The following PFKL variants were observed in gnomAD, a reference collection of about 807,000 sequenced individuals.
PFKL encodes ATP-dependent 6-phosphofructokinase, liver type.
PFKL carries 74 observed loss-of-function variants against 92.1 expected under a neutral mutation model. The ratio of observed to expected loss-of-function variants is 0.80; its 90% CI spans 0.67 to 0.97. The LOEUF (loss-of-function observed/expected upper bound fraction) is 0.97. PFKL is among the 50% of genes least tolerant of loss of function. The pLI is 0.00. For synonymous variants in PFKL, 494 were observed against 456.4 expected (o/e 1.08, Z -1.05); for missense variants, 1,028 against 1,116.6 (o/e 0.92, Z 1.13).
At position 44,323,778 on chromosome 21, in the gene PFKL, G is replaced by T. The variant is rs763571336; in HGVS notation, c.1510G>T (p.Val504Leu). 6.2e-7 allele frequency: 1 copy of T among 1,612,482 alleles called. No homozygotes were observed. The highest frequency in any genetic ancestry group is 1.1e-5 in the South Asian group (1 of 90,908). Reference protein sequence around the residue: ...VVGGFEAYEGVLQLVEARGRY... With the variant: ...VVGGFEAYEGLLQLVEARGRY... ...CCTACTGCTGCAGGCCTATGAAGGG[G>T]TGCTGCAGCTGGTGGAGGCTCGCGG... Residue 504 changes from valine (V) to leucine (L), a missense_variant, in exon 16 of 22, where the codon GTG becomes TTG. Transcript: ENST00000349048.
chr21:44,303,441 A>AAGACTTGATCG lies in PFKL; in HGVS notation c.86-3239_86-3238insGACTTGATCGA, dbSNP rs2040833265. On this transcript the variant is annotated intron_variant, in intron 1 of 21. Transcript: ENST00000349048. Reference sequence around the variant, plus strand: ...AAAAAAACAGACTTGACCAAAAAAAAAAAAAAAAAAAAAATGGCCCGGCCT... The same window carrying AAGACTTGATCG: ...AAAAAAACAGACTTGACCAAAAAAAAAGACTTGATCGAAAAAAAAAAAAAATGGCCCGGCCT... Among the ~76,000 whole-genome samples, 107 of 97,108 alleles carry AAGACTTGATCG rather than the reference A, an allele frequency of 1.1e-3. 10 individuals are homozygous for AAGACTTGATCG. Among genetic ancestry groups the AAGACTTGATCG allele is most frequent in the African/African-American group, 3.7e-3 (71 of 18,966 alleles). The allele number at this position is 97,108 out of a possible 152,430, so 63.7% of individuals were successfully genotyped here.
intron 7 of PFKL, 52 bp from the exon 8 acceptor site, chr21:44,316,192 C>CG: frequency 6.4e-7 from 1 of 1,562,600 alleles, no homozygotes; most frequent in Non-Finnish European, 8.8e-7. Flanking sequence ...GGGCTGTGTC[C>CG]GGGGCAGGTT....
At position 44,322,970 on chromosome 21, in the gene PFKL, C is replaced by G; in HGVS notation, c.1418C>G (p.Pro473Arg). The G allele has an allele frequency of 6.2e-7, 1 of 1,611,358 alleles. No individual in the cohort carries two copies. The highest frequency in any genetic ancestry group is 8.5e-7 in the Non-Finnish European group (1 of 1,178,520). The change falls in exon 15 of 22, where the codon CCC becomes CGC. Residue 473 changes from proline to arginine, a missense_variant. Coordinates refer to ENST00000349048, the MANE Select transcript of PFKL (RefSeq NM_002626.6). ...TGTGTCTTTGACTGCAGGACCCTGC[C>G]CAAGGGCCAGCTGGAGTCCATTGTG... The part of the protein sequence containing the change: ...GSMLGTKRTL[P>R]KGQLESIVEN...
chr21:44,322,088 C>A, intron 13 of PFKL, 45 bp from the exon 14 acceptor site: 1 of 1,571,460 alleles, frequency 6.4e-7, no homozygotes, highest in Non-Finnish European at 8.7e-7. Flanking sequence ...GGGGAATTGG[C>A]CAGAGGCTCA....
At chr21:44,320,235 T>G in intron 12 of PFKL, 88 bp downstream of exon 12, 1 of 1,142,330 alleles carries the variant, frequency 8.8e-7, no homozygotes, top group Non-Finnish European at 1.3e-6. Context: ...TGGGCCTGCC[T>G]GCCCCCACCT....
rs868177156 is a variant in PFKL, at chr21:44,314,186, G to A, written c.747+165G>A. The A allele has an allele frequency of 4.9e-6, 3 of 610,054 alleles. No individual in the cohort carries two copies. In the Middle Eastern group the frequency reaches 8.6e-4, roughly 175 times the overall value. 37.8% of individuals were successfully genotyped at this position (610,054 alleles called of 1,614,324 possible). A position where few individuals can be genotyped will look rare whatever the true frequency, so the allele number is the denominator to read the frequency against. On this transcript the variant is annotated intron_variant, in intron 7 of 21. Coordinates refer to ENST00000349048, the MANE Select transcript of PFKL (RefSeq NM_002626.6). ...GACACGCAAGGAGTGGGGGGCTACG[G>A]GGCTGACCTCAGTGAGGCACCTGTG... is the stretch of plus-strand genomic sequence containing the variant.
At chr21:44,319,911 C>T in intron 11 of PFKL, 173 bp from the exon 12 acceptor site, 2 of 618,684 alleles carry the variant, frequency 3.2e-6, no homozygotes, top group Non-Finnish European at 5.8e-6. Flanking sequence ...GGGGGTCTCG[C>T]ACCTTCTGTG....
At position 44,327,078 on chromosome 21, in the gene PFKL, G is replaced by C; in HGVS notation, c.*216G>C. ...TGCCAGGCCCTCCAGCAGGAGGACAGAGTGCCCTGGGGCATCCACCTTCCT... is the reference window on the plus strand; with the variant it reads ...TGCCAGGCCCTCCAGCAGGAGGACACAGTGCCCTGGGGCATCCACCTTCCT... On this transcript the variant is annotated 3_prime_UTR_variant, in exon 22 of 22. Coordinates refer to ENST00000349048, the MANE Select transcript of PFKL (RefSeq NM_002626.6). 1.7e-6 allele frequency: 1 copy of C among 590,360 alleles called. No homozygotes were observed. The highest frequency in any genetic ancestry group is 3.0e-6 in the Non-Finnish European group (1 of 330,338). 36.6% of individuals were successfully genotyped at this position (590,360 alleles called of 1,614,324 possible).
At chr21:44,324,340 G>A in intron 16 of PFKL, 151 bp from the exon 17 acceptor site, 5 of 752,992 alleles carry the variant, frequency 6.6e-6, no homozygotes, top group African/African-American at 3.5e-5. Flanking sequence ...CCAGGTGGGA[G>A]GTGGGCCCAA....
chr21:44,322,826 C>T (rs776617793), intron 14 of PFKL, 136 bp from the exon 15 acceptor site: 7 of 566,328 alleles, frequency 1.2e-5, no homozygotes, highest in African/African-American at 3.8e-5. Context: ...GGAGCCACAG[C>T]GCCACATCCC....
chr21:44,307,206 G>C (rs2040976062), intron 2 of PFKL: 1 of 909,472 alleles, frequency 1.1e-6, no homozygotes, highest in African/African-American at 1.8e-5. Flanking sequence ...CCAGACCCGG[G>C]GGGCAGCCGC....
At chr21:44,316,873 G>A (rs1412293399) in intron 9 of PFKL, among the ~76,000 whole-genome samples, 2 of 152,128 alleles carry the variant, frequency 1.3e-5, no homozygotes. Context: ...ACCATGGGAG[G>A]CCCCCCACCA....
In PFKL at chr21:44,313,126, C is replaced by T; in HGVS notation, c.576C>T (p.Ile192=). ...LHRIMEVIDA[I]TTTAQSHQRT... The stretch of plus-strand genomic sequence containing the variant: ...GCATCATGGAGGTCATCGATGCCAT[C>T]ACCACCACTGCCCAGAGGTGAGTGA... The change falls in exon 5 of 22, where the codon ATC becomes ATT. Residue 192 remains isoleucine, a synonymous_variant. Transcript: ENST00000349048. 9 of 1,612,866 alleles carry T rather than the reference C, an allele frequency of 5.6e-6. No homozygotes were observed. Among genetic ancestry groups the T allele is most frequent in the Non-Finnish European group, 7.6e-6 (9 of 1,179,874 alleles).
intron 13 of PFKL, 31 bp downstream of exon 13, chr21:44,321,906 C>T (rs1322919949): frequency 1.3e-6 from 2 of 1,514,688 alleles, no homozygotes; most frequent in African/African-American, 2.8e-5. Context: ...CAAGTGAGGA[C>T]TTGGGCCTTC....
chr21:44,313,490 G>A, intron 5 of PFKL, 148 bp from the exon 6 acceptor site: 1 of 755,506 alleles, frequency 1.3e-6, no homozygotes, highest in South Asian at 1.8e-5. Context: ...GGATCCCAAG[G>A]TATCTTTTAG....
Position 44,321,890 on chromosome 21 carries a change from G to A in PFKL, c.1338+15G>A. 6.6e-7 allele frequency: 1 copy of A among 1,520,494 alleles called. No individual in the cohort carries two copies. Among genetic ancestry groups the A allele is most frequent in the Non-Finnish European group, 8.8e-7 (1 of 1,132,076 alleles). 94.2% of individuals were successfully genotyped at this position (1,520,494 alleles called of 1,614,324 possible). ...CCAAGGGTCAGGTGGGTCCGGCCGG[G>A]GCAAACAAGTGAGGACTTGGGCCTT... On this transcript the variant is annotated intron_variant, in intron 13 of 21. Coordinates refer to ENST00000349048, the MANE Select transcript of PFKL (RefSeq NM_002626.6).
chr21:44,324,422 TAGCCATGCCGACGGCCTACAGGGA>T (rs1602055361), intron 16 of PFKL, 45 bp from the exon 17 acceptor site: 27 of 1,509,228 alleles, frequency 1.8e-5, no homozygotes, highest in Middle Eastern at 3.5e-4. Flanking sequence ...CCCTGCAGGG[TAGCCATGCCGACGGCCTACAGGGA>T]AGGGTGGGCA....
At chr21:44,310,846 C>T (rs1602011640) in intron 2 of PFKL, among the ~76,000 whole-genome samples, 160 bp from the exon 3 acceptor site, 2 of 152,140 alleles carry the variant, frequency 1.3e-5, no homozygotes, top group Middle Eastern at 6.8e-3. Context: ...CTAGGGGGCA[C>T]CCGGACCCTG....
intron 14 of PFKL, 21 bp downstream of exon 14, chr21:44,322,224 A>G: frequency 6.3e-7 from 1 of 1,592,150 alleles, no homozygotes; most frequent in Non-Finnish European, 8.5e-7. Flanking sequence ...TGCTGCGGGT[A>G]CCTGGGGGCA....
Sources: allele counts gnomAD v4.1 joint callset (sites outside exome capture counted in the v4.1 genomes callset), GRCh38; gene constraint gnomAD v4.1.1; transcripts MANE v1.5; gene names NCBI Gene and HGNC (gene_info 2026-07-23, HGNC 2026-07-21).